Variants in MYH16 observed in about 807,000 individuals in gnomAD.
MYH16 encodes myosin heavy chain 16.
Position 99,260,477 on chromosome 7 carries a change from C to T in MYH16, n.1575+143C>T, listed in dbSNP as rs57260955. 2,637 of 446,982 alleles carry T rather than the reference C, an allele frequency of 5.9e-3. 65 individuals are homozygous for T. Among genetic ancestry groups the T allele is most frequent in the African/African-American group, 0.049 (2,451 of 49,950 alleles). The allele number at this position is 446,982 out of a possible 1,614,324, so 27.7% of individuals were successfully genotyped here. Reference sequence around the variant, plus strand: ...CTTGGTATGACCTCTAGCTCCCTATCTGCAAAATGGGTACTGAAGTGACTG... The same window carrying T: ...CTTGGTATGACCTCTAGCTCCCTATTTGCAAAATGGGTACTGAAGTGACTG... On this transcript the variant is annotated intron_variant and non_coding_transcript_variant, in intron 12 of 41. Coordinates refer to ENST00000439784, the Ensembl canonical transcript of MYH16.
chr7:99,257,376 CT>C (rs1008705570), exon 10 of MYH16: 12 of 179,644 alleles, frequency 6.7e-5, no homozygotes, highest in African/African-American at 2.6e-4. Context: ...GTATCATGCA[CT>C]TTGGGAACAT....
intron 19 of MYH16, among the ~76,000 whole-genome samples, chr7:99,272,429 C>G (rs1018397588): frequency 6.6e-6 from 1 of 152,084 alleles, no homozygotes; most frequent in African/African-American, 2.4e-5. Flanking sequence ...ATCTCCCTAA[C>G]CTGGTAATTT....
At chr7:99,253,850 C>T (rs1791840187) in intron 8 of MYH16, 2 of 170,966 alleles carry the variant, frequency 1.2e-5, no homozygotes, top group South Asian at 3.3e-4. Flanking sequence ...GTCTATCCAC[C>T]TGCCCCTGAC....
At chr7:99,256,904 T>C (rs1791878916) in intron 9 of MYH16, among the ~76,000 whole-genome samples, 2 of 152,256 alleles carry the variant, frequency 1.3e-5, no homozygotes, top group South Asian at 4.1e-4. Flanking sequence ...TGAGCCATGA[T>C]CGTGCCACTG....
intron 23 of MYH16, among the ~76,000 whole-genome samples, chr7:99,283,037 C>A (rs1792223696): frequency 1.3e-5 from 2 of 152,120 alleles, no homozygotes; most frequent in Non-Finnish European, 2.9e-5. Context: ...CTGGAGTCAT[C>A]CACTAAATCT....
At chr7:99,255,053 G>T (rs1464854481) in intron 8 of MYH16, among the ~76,000 whole-genome samples, 1 of 152,106 alleles carries the variant, frequency 6.6e-6, no homozygotes, top group Non-Finnish European at 1.5e-5. Context: ...CAGATCATCT[G>T]AAGTCAGGAG....
At chr7:99,269,414 T>C (rs935503976) in intron 18 of MYH16, among the ~76,000 whole-genome samples, 1 of 152,098 alleles carries the variant, frequency 6.6e-6, no homozygotes, top group African/African-American at 2.4e-5. Flanking sequence ...TAGCTGGGAC[T>C]ACAGGTGCAC....
intron 20 of MYH16, among the ~76,000 whole-genome samples, chr7:99,274,032 T>C (rs1007795340): frequency 3.3e-5 from 5 of 152,256 alleles, no homozygotes; most frequent in Admixed American, 3.3e-4. Context: ...AGCTTGATTA[T>C]TGACTCCTTG....
At chr7:99,263,623 G>A (rs2150812500) in intron 14 of MYH16, among the ~76,000 whole-genome samples, 1 of 152,312 alleles carries the variant, frequency 6.6e-6, no homozygotes, top group Admixed American at 6.5e-5. Flanking sequence ...AGTGGCTTGA[G>A]ATAGGCCATG....
At chr7:99,241,790 A>G (rs1471390174) in intron 1 of MYH16, among the ~76,000 whole-genome samples, 1 of 151,656 alleles carries the variant, frequency 6.6e-6, no homozygotes, top group East Asian at 1.9e-4. Flanking sequence ...GCCAAAAGGT[A>G]TTTGTTTTCT....
At chr7:99,289,362 C>T (rs1488896542) in exon 30 of MYH16, 4 of 445,030 alleles carry the variant, frequency 9.0e-6, no homozygotes, top group African/African-American at 4.0e-5. Flanking sequence ...AGAGCTAGAG[C>T]GAAACCAAGC....
chr7:99,277,231 G>C (rs888848474), intron 20 of MYH16, among the ~76,000 whole-genome samples: 4 of 152,184 alleles, frequency 2.6e-5, no homozygotes, highest in Non-Finnish European at 4.4e-5. Context: ...ATGCAGAACA[G>C]ATGTAAGCCT....
intron 30 of MYH16, chr7:99,291,036 C>T (rs1401247335): frequency 1.1e-5 from 2 of 175,692 alleles, no homozygotes; most frequent in Non-Finnish European, 2.4e-5. Flanking sequence ...TTTCTCCAAA[C>T]TCTTCTGCTG....
intron 27 of MYH16, among the ~76,000 whole-genome samples, chr7:99,286,209 G>A (rs746254676): frequency 2.0e-5 from 3 of 152,224 alleles, no homozygotes; most frequent in Non-Finnish European, 2.9e-5. Context: ...GATCACTTGA[G>A]ACCGGGAGAC....
In MYH16 at chr7:99,301,822, G is replaced by C. The variant is rs919691775; in HGVS notation, n.5137+18G>C. 6.5e-6 allele frequency: 1 copy of C among 152,762 alleles called. No individual in the cohort carries two copies. The highest frequency in any genetic ancestry group is 1.5e-5 in the Non-Finnish European group (1 of 68,202). 9.5% of individuals were successfully genotyped at this position (152,762 alleles called of 1,614,324 possible). On this transcript the variant is annotated intron_variant and non_coding_transcript_variant, in intron 38 of 41. Transcript: ENST00000439784. ...ACATCCAGGTAGGACAGGGCTCCTG[G>C]GTCAGTGCCACTCGCACCCACACTC... is the stretch of plus-strand genomic sequence containing the variant.
At chr7:99,292,129 A>C (rs999345840) in intron 31 of MYH16, among the ~76,000 whole-genome samples, 183 bp from the exon 13 acceptor site, 10 of 152,264 alleles carry the variant, frequency 6.6e-5, no homozygotes, top group African/African-American at 2.4e-4. Context: ...CTTGTGGACA[A>C]TAATAGAAAG....
chr7:99,275,881 C>T (rs1792104594), intron 20 of MYH16, among the ~76,000 whole-genome samples: 1 of 152,204 alleles, frequency 6.6e-6, no homozygotes, highest in Non-Finnish European at 1.5e-5. Flanking sequence ...AAGGCGCCTG[C>T]CACCACGCCT....
chr7:99,249,714 C>T (rs1344075820), intron 4 of MYH16, among the ~76,000 whole-genome samples: 1 of 151,268 alleles, frequency 6.6e-6, no homozygotes, highest in Non-Finnish European at 1.5e-5. Context: ...TGCCACCATG[C>T]CTGGCTACTT....
chr7:99,277,702 AGCTGCAG>A (rs1257416049), exon 21 of MYH16: 1 of 456,208 alleles, frequency 2.2e-6, no homozygotes, highest in East Asian at 6.9e-5. Flanking sequence ...CTCACCATCC[AGCTGCAG>A]GCTGTACGTG....
Sources: gnomAD v4.1 joint callset for allele counts (sites outside exome capture counted in the v4.1 genomes callset) on GRCh38, gnomAD v4.1.1 for gene constraint, MANE v1.5 for transcripts, NCBI Gene and HGNC (gene_info 2026-07-23, HGNC 2026-07-21) for gene names.